IL13RA2: variants seen among roughly 807,000 people sequenced by gnomAD.
The protein encoded by IL13RA2 is interleukin 13 receptor subunit alpha 2.
A neutral mutation model predicts 34.1 loss-of-function variants in IL13RA2; 25 were observed. That is an observed-to-expected ratio of 0.73 (90% CI 0.53 to 1.03). The LOEUF (loss-of-function observed/expected upper bound fraction) is 1.03, where lower values mean the gene tolerates loss of function less well. Ranked by LOEUF, IL13RA2 falls within the 50% of genes least tolerant of loss-of-function variation. The pLI is 0.00. For synonymous variants in IL13RA2, 106 were observed against 100.4 expected, an observed-to-expected ratio of 1.06 and a Z score of -0.33; for missense variants, 297 against 280.9, an observed-to-expected ratio of 1.06 and a Z score of -0.41.
intron 9 of IL13RA2, 168 bp downstream of exon 9, chrX:115,005,029 T>A (rs781883291): frequency 6.0e-5 from 24 of 397,041 alleles, no homozygotes; most frequent in Non-Finnish European, 9.7e-5. Context: ...GCTTAATTTT[T>A]AAAAATTGCT....
chrX:115,014,811 A>G (rs2071719914), intron 3 of IL13RA2, among the ~76,000 whole-genome samples: 1 of 110,178 alleles, frequency 9.1e-6, no homozygotes, highest in South Asian at 3.7e-4. Flanking sequence ...AAAAACAAAA[A>G]CTTTTGGAAG....
At chrX:115,004,549 G>A (rs1349165668) in intron 9 of IL13RA2, among the ~76,000 whole-genome samples, 1 of 108,649 alleles carries the variant, frequency 9.2e-6, no homozygotes, top group Non-Finnish European at 1.9e-5. Flanking sequence ...CAAGGCTGCA[G>A]TGAACCATGA....
chrX:115,004,188 A>C, intron 9 of IL13RA2, 82 bp from the exon 10 acceptor site: 3 of 534,827 alleles, frequency 5.6e-6, no homozygotes, highest in East Asian at 3.5e-5. Context: ...GAGAATAAGC[A>C]CAAGAGCATT....
chrX:115,017,212 ATGT>A lies in IL13RA2; in HGVS notation c.55_57del (p.Thr19del), dbSNP rs1163139626. 6.0e-6 allele frequency: 6 copies of A among 997,677 alleles called. No homozygotes were observed. The African/African-American group carries it at 7.6e-5, about 13-fold the overall frequency. 82.2% of individuals were successfully genotyped at this position (997,677 alleles called of 1,213,427 possible). A position where few individuals can be genotyped will look rare whatever the true frequency, so the allele number is the denominator to read the frequency against. The stretch of plus-strand genomic sequence containing the variant: ...GTGTCTGAAGATGAAGTACAGCCAA[ATGT>A]TGTGCTTATCAGAAAGGTATATAAG... On this transcript the variant is annotated inframe_deletion, in exon 2 of 10. Transcript: ENST00000243213.
intron 5 of IL13RA2, among the ~76,000 whole-genome samples, chrX:115,013,163 A>G (rs1178881741): frequency 3.6e-5 from 4 of 110,675 alleles, no homozygotes; most frequent in African/African-American, 9.9e-5. Context: ...AAGGGGAGAG[A>G]TTGGAAGGGG....
At chrX:115,016,990 A>G (rs1240151224) in intron 2 of IL13RA2, among the ~76,000 whole-genome samples, 186 bp downstream of exon 2, 1 of 111,291 alleles carries the variant, frequency 9.0e-6, no homozygotes, top group Non-Finnish European at 1.9e-5. Flanking sequence ...TACCTTATAC[A>G]AGAAAGTGAC....
intron 7 of IL13RA2, among the ~76,000 whole-genome samples, chrX:115,009,211 T>A (rs782088120): frequency 9.1e-6 from 1 of 109,918 alleles, no homozygotes; most frequent in South Asian, 3.9e-4. Flanking sequence ...TGTGGGTTTT[T>A]TTTTTTAATT....
rs1556508056 is a variant in IL13RA2 at position 115,008,048 on chromosome X, GT to G, written c.880del (p.Thr294ProfsTer2). 2.6e-6 allele frequency: 3 copies of G among 1,158,332 alleles called. No homozygotes were observed. Among genetic ancestry groups the G allele is most frequent in the Non-Finnish European group, 3.5e-6 (3 of 851,611 alleles). On this transcript the variant is annotated frameshift_variant, in exon 8 of 10. Transcript: ENST00000243213. LOFTEE classifies it high-confidence loss of function. ...VTATVENETY[T>X]LKTTNETRQL... ...TCGGGTTTCATTTGTTGTTTTCAAG[GT>G]GTATGTTTCATTTTCAACTGTAGCA...
chrX:115,007,425 A>G (rs1305042229), intron 8 of IL13RA2, among the ~76,000 whole-genome samples: 4 of 112,276 alleles, frequency 3.6e-5, no homozygotes, highest in African/African-American at 6.5e-5. Flanking sequence ...TAGGCTTTTT[A>G]GTTTATATTG....
chrX:115,004,143 TAACAC>T, intron 9 of IL13RA2, 37 bp from the exon 10 acceptor site: 1 of 738,882 alleles, frequency 1.4e-6, no homozygotes. Context: ...TCATCTCTAA[TAACAC>T]AAACTATTTC....
Position 115,014,557 on chromosome X carries a change from A to T in IL13RA2, c.264T>A (p.Asn88Lys). 8.5e-7 allele frequency: 1 copy of T among 1,179,291 alleles called. No homozygotes were observed. Among genetic ancestry groups the T allele is most frequent in the Admixed American group, 2.2e-5 (1 of 45,442 alleles). The change falls in exon 4 of 10, where the codon AAT becomes AAA. Residue 88 changes from asparagine (N) to lysine (K), a missense_variant. Physicochemically the swap from Asn to Lys is moderately conservative, Grantham distance 94. Transcript: ENST00000243213. ...SETWKTIITK[N>K]LHYKDGFDLN... is the part of the protein sequence containing the mutation. ...GATCAAACCCATCTTTGTAATGTAG[A>T]TTCTTAGTAATGATGGTCTGTTTGA...
chrX:115,015,763 C>A lies in IL13RA2; in HGVS notation c.153G>T (p.Leu51Phe). The change falls in exon 3 of 10, where the codon TTG becomes TTT. Residue 51 changes from leucine to phenylalanine, a missense_variant. Transcript: ENST00000243213. ...CCAGAGACAGTGGGGGTTGCCATTG[C>A]AAATAGAGATAACCTAAGTATCCGG... is the stretch of plus-strand genomic sequence containing the variant. ...VDPGYLGYLY[L>F]QWQPPLSLDH... The A allele has an allele frequency of 8.4e-7, 1 of 1,188,083 alleles. No individual in the cohort carries two copies. Among genetic ancestry groups the A allele is most frequent in the East Asian group, 3.0e-5 (1 of 33,724 alleles).
chrX:115,014,343 G>T, intron 4 of IL13RA2, 78 bp downstream of exon 4: 2 of 734,836 alleles, frequency 2.7e-6, no homozygotes, highest in Non-Finnish European at 4.1e-6. Context: ...CTACAGCCTG[G>T]TACATAAGAT....
chrX:115,009,015 G>C (rs186859393), intron 7 of IL13RA2, among the ~76,000 whole-genome samples: 1 of 111,224 alleles, frequency 9.0e-6, no homozygotes, highest in Admixed American at 9.6e-5. Context: ...AACTAATAAG[G>C]AAAAATAATA....
At chrX:115,008,510 A>G (rs1352186200) in intron 7 of IL13RA2, among the ~76,000 whole-genome samples, 1 of 112,027 alleles carries the variant, frequency 8.9e-6, no homozygotes, top group Non-Finnish European at 1.9e-5. Flanking sequence ...ATTAATATAT[A>G]GCTTTTTCTT....
chrX:115,015,241 T>C (rs1556509590), intron 3 of IL13RA2, among the ~76,000 whole-genome samples: 2 of 111,535 alleles, frequency 1.8e-5, no homozygotes, highest in Admixed American at 1.9e-4. Flanking sequence ...TACTACAATA[T>C]ATACAACGAA....
Position 115,014,522 on chromosome X carries a change from C to T in IL13RA2, c.299G>A (p.Gly100Asp). The change falls in exon 4 of 10, where the codon GGC (glycine) becomes GAC (aspartate). Residue 100 changes from glycine (G) to aspartate (D), a missense_variant. By Grantham distance (94) the Gly-to-Asp change is moderately conservative. Transcript: ENST00000243213. The stretch of plus-strand genomic sequence containing the variant: ...AAGCGTGTGTATCTTCGCTTCAATG[C>T]CCTTGTTAAGATCAAACCCATCTTT... Reference protein sequence around the residue: ...HYKDGFDLNKGIEAKIHTLLP... With the variant: ...HYKDGFDLNKDIEAKIHTLLP... 4 of 1,188,373 alleles carry T rather than the reference C, an allele frequency of 3.4e-6. No homozygotes were observed. Among genetic ancestry groups the T allele is most frequent in the Non-Finnish European group, 4.6e-6 (4 of 877,246 alleles).
chrX:115,012,004 A>G (rs1175422489), intron 5 of IL13RA2, among the ~76,000 whole-genome samples: 5 of 112,350 alleles, frequency 4.5e-5, no homozygotes, highest in Non-Finnish European at 9.4e-5. Context: ...TTACCTATCC[A>G]ATTCCAGATG....
intron 2 of IL13RA2, among the ~76,000 whole-genome samples, chrX:115,016,406 A>G (rs1169616558): frequency 9.0e-6 from 1 of 110,542 alleles, no homozygotes; most frequent in African/African-American, 3.3e-5. Flanking sequence ...CTTCTTTGAG[A>G]AATCACATAT....
Sources: gnomAD v4.1 joint callset for allele counts (sites outside exome capture counted in the v4.1 genomes callset) on GRCh38, gnomAD v4.1.1 for gene constraint, MANE v1.5 for transcripts, NCBI Gene and HGNC (gene_info 2026-07-23, HGNC 2026-07-21) for gene names.